Variants in CTNND2 observed in about 807,000 individuals in gnomAD.
The protein encoded by CTNND2 is catenin delta-2.
A neutral mutation model predicts 144.4 loss-of-function variants in CTNND2; 22 were observed. The observed-to-expected ratio is 0.15, with a 90% confidence interval of 0.11 to 0.22. The LOEUF is 0.22. CTNND2 is among the 10% of genes least tolerant of loss of function. CTNND2 has a pLI of 1.00. For synonymous variants in CTNND2, 751 were observed against 695.6 expected (o/e 1.08, Z -1.25); for missense variants, 1,353 against 1,618.8 (o/e 0.84, Z 2.82).
At chr5:11,386,414 G>A (rs1487085050) in intron 6 of CTNND2, among the ~76,000 whole-genome samples, 2 of 152,162 alleles carry the variant, frequency 1.3e-5, no homozygotes, top group Non-Finnish European at 2.9e-5. Context: ...CTCTCTACCC[G>A]TTCTGGAATG....
chr5:11,156,870 T>C (rs1308330843), intron 12 of CTNND2, among the ~76,000 whole-genome samples: 1 of 152,198 alleles, frequency 6.6e-6, no homozygotes, highest in Non-Finnish European at 1.5e-5. Flanking sequence ...CAAATGATGT[T>C]GGCCACATGG....
At chr5:11,078,282 A>G (rs574275470) in intron 16 of CTNND2, among the ~76,000 whole-genome samples, 2 of 152,358 alleles carry the variant, frequency 1.3e-5, no homozygotes, top group Admixed American at 1.3e-4. Flanking sequence ...TGGGTACAGT[A>G]TTTAAAGTAA....
intron 9 of CTNND2, among the ~76,000 whole-genome samples, chr5:11,345,005 ACCT>A (rs1445548893): frequency 1.3e-5 from 2 of 152,164 alleles, no homozygotes; most frequent in African/African-American, 4.8e-5. Flanking sequence ...GTCAATTTAA[ACCT>A]CCTATGTTAA....
At chr5:11,419,146 C>G (rs1313879698) in intron 3 of CTNND2, among the ~76,000 whole-genome samples, 1 of 151,630 alleles carries the variant, frequency 6.6e-6, no homozygotes, top group Non-Finnish European at 1.5e-5. Context: ...TACAGGGGGT[C>G]AGAAGGGTGA....
chr5:11,856,701 C>T (rs1795267473), intron 1 of CTNND2, among the ~76,000 whole-genome samples: 1 of 152,158 alleles, frequency 6.6e-6, no homozygotes, highest in Non-Finnish European at 1.5e-5. Flanking sequence ...CCAGAAAATA[C>T]ATCTCCCTTC....
intron 9 of CTNND2, among the ~76,000 whole-genome samples, chr5:11,318,327 C>T (rs924720614): frequency 1.3e-5 from 2 of 152,146 alleles, no homozygotes; most frequent in Admixed American, 6.5e-5. Context: ...CCTCCTTTGT[C>T]CCAGGTCCTG....
chr5:11,423,781 G>C (rs1372854126), intron 3 of CTNND2, among the ~76,000 whole-genome samples: 1 of 152,084 alleles, frequency 6.6e-6, no homozygotes, highest in African/African-American at 2.4e-5. Context: ...TATTGGATTT[G>C]ACTGCATTTG....
intron 16 of CTNND2, among the ~76,000 whole-genome samples, chr5:11,038,498 G>A (rs957044209): frequency 3.3e-5 from 5 of 152,190 alleles, no homozygotes; most frequent in African/African-American, 1.2e-4. Flanking sequence ...GGTCTTCCAT[G>A]AAACTGGTCC....
chr5:11,228,195 T>G (rs1740571233), intron 10 of CTNND2, among the ~76,000 whole-genome samples: 1 of 151,318 alleles, frequency 6.6e-6, no homozygotes, highest in South Asian at 2.1e-4. Flanking sequence ...TACAAAAATT[T>G]TTAGCCAGGC....
chr5:11,599,844 G>A (rs1779693469), intron 2 of CTNND2, among the ~76,000 whole-genome samples: 1 of 152,058 alleles, frequency 6.6e-6, no homozygotes, highest in Admixed American at 6.6e-5. Context: ...GAGTCTTATT[G>A]CATGCCCAGG....
At chr5:11,241,687 G>A (rs1026742894) in intron 9 of CTNND2, among the ~76,000 whole-genome samples, 1 of 152,184 alleles carries the variant, frequency 6.6e-6, no homozygotes, top group Non-Finnish European at 1.5e-5. Flanking sequence ...GTTTCGCTTA[G>A]ATGAGATTCC....
chr5:11,530,880 A>C (rs1581423696), intron 3 of CTNND2, among the ~76,000 whole-genome samples: 1 of 152,204 alleles, frequency 6.6e-6, no homozygotes, highest in Non-Finnish European at 1.5e-5. Context: ...ACTGCTGATT[A>C]TCCAAGCCTA....
chr5:11,702,894 T>C (rs1386424404), intron 2 of CTNND2, among the ~76,000 whole-genome samples: 1 of 152,230 alleles, frequency 6.6e-6, no homozygotes, highest in Non-Finnish European at 1.5e-5. Context: ...AGCCAAGCTC[T>C]CTACTTAATT....
intron 5 of CTNND2, among the ~76,000 whole-genome samples, chr5:11,404,800 G>A (rs996941074): frequency 6.6e-5 from 10 of 151,470 alleles, no homozygotes; most frequent in African/African-American, 2.4e-4. Flanking sequence ...TGTAGAGATG[G>A]GGTTTCACCA....
At chr5:11,565,308 G>A (rs1164213019) in intron 2 of CTNND2, among the ~76,000 whole-genome samples, 1 of 152,198 alleles carries the variant, frequency 6.6e-6, no homozygotes, top group Admixed American at 6.5e-5. Context: ...TATTTAATAA[G>A]ATGGATATGA....
Position 11,334,020 on chromosome 5 carries a change from T to A in CTNND2, c.1628+12352A>T, listed in dbSNP as rs115040719. Among the ~76,000 whole-genome samples, 971 of 152,306 alleles carry A rather than the reference T, an allele frequency of 6.4e-3. 7 individuals carry two copies. The highest frequency in any genetic ancestry group is 0.01 in the Non-Finnish European group (688 of 68,022). On this transcript the variant is annotated intron_variant, in intron 9 of 21. Coordinates refer to ENST00000304623, the MANE Select transcript of CTNND2 (RefSeq NM_001332.4). ...GCTGGATGCTAGGTATTGGGAGATTTTTCAGAAATTATTAAGATTTAAATA... is the reference window on the plus strand; with the variant it reads ...GCTGGATGCTAGGTATTGGGAGATTATTCAGAAATTATTAAGATTTAAATA...
At chr5:11,839,154 G>C (rs1794327413) in intron 1 of CTNND2, among the ~76,000 whole-genome samples, 1 of 151,778 alleles carries the variant, frequency 6.6e-6, no homozygotes, top group Non-Finnish European at 1.5e-5. Flanking sequence ...GTCCAAGTAA[G>C]GACAGTGGTA....
At chr5:11,388,844 G>A (rs1759345450) in intron 6 of CTNND2, among the ~76,000 whole-genome samples, 1 of 152,182 alleles carries the variant, frequency 6.6e-6, no homozygotes, top group South Asian at 2.1e-4. Context: ...AGTGTCACAA[G>A]AGTTCAATTC....
At chr5:11,609,037 C>T (rs941463589) in intron 2 of CTNND2, among the ~76,000 whole-genome samples, 13 of 152,176 alleles carry the variant, frequency 8.5e-5, no homozygotes, top group African/African-American at 1.2e-4. Context: ...CACATGGCTT[C>T]CTCTACTAGT....
Sources: gnomAD v4.1 joint callset for allele counts (sites outside exome capture counted in the v4.1 genomes callset) on GRCh38, gnomAD v4.1.1 for gene constraint, MANE v1.5 for transcripts, NCBI Gene and HGNC (gene_info 2026-07-23, HGNC 2026-07-21) for gene names.